PRDM11: variants seen among roughly 807,000 people sequenced by gnomAD.
PRDM11 encodes PR domain-containing protein 11.
In PRDM11, 20 loss-of-function variants were observed where a neutral mutation model predicts 97.8. The observed-to-expected ratio is 0.20, with a 90% confidence interval of 0.14 to 0.30. The LOEUF (loss-of-function observed/expected upper bound fraction) is 0.30. PRDM11 is among the 10% of genes least tolerant of loss of function. The pLI, the probability that PRDM11 is intolerant of heterozygous loss-of-function variation, is 1.00. For missense variants in PRDM11, 1,139 were observed against 1,555.2 expected (o/e 0.73, Z 4.50); for synonymous variants, 599 against 637.7 (o/e 0.94, Z 0.91).
At chr11:45,183,309 C>A (rs1159123696) in intron 4 of PRDM11, among the ~76,000 whole-genome samples, 186 bp downstream of exon 4, 1 of 152,156 alleles carries the variant, frequency 6.6e-6, no homozygotes. Context: ...TGTCCAAGGG[C>A]AATGCTGAGA....
intron 4 of PRDM11, among the ~76,000 whole-genome samples, chr11:45,196,409 C>T (rs145899460): frequency 2.4e-4 from 37 of 152,254 alleles, no homozygotes; most frequent in Middle Eastern, 3.4e-3. Context: ...GAAGACTCTT[C>T]CAATCTGCAG....
intron 1 of PRDM11, among the ~76,000 whole-genome samples, chr11:45,174,435 G>A (rs1262825974): frequency 6.6e-6 from 1 of 151,866 alleles, no homozygotes; most frequent in Non-Finnish European, 1.5e-5. Flanking sequence ...AATGCATGCA[G>A]TCTTTTTAGT....
chr11:45,103,464 C>G (rs1196913302), intron 1 of PRDM11, among the ~76,000 whole-genome samples: 1 of 152,128 alleles, frequency 6.6e-6, no homozygotes, highest in Non-Finnish European at 1.5e-5. Context: ...AATCTAGGCC[C>G]TACCGTTTTG....
At chr11:45,101,272 G>A (rs1277702658) in intron 1 of PRDM11, among the ~76,000 whole-genome samples, 1 of 152,112 alleles carries the variant, frequency 6.6e-6, no homozygotes, top group Admixed American at 6.5e-5. Context: ...TCAAAAGAAG[G>A]TATTTGGCCG....
At chr11:45,209,739 T>G (rs1406061523) in intron 5 of PRDM11, among the ~76,000 whole-genome samples, 1 of 152,202 alleles carries the variant, frequency 6.6e-6, no homozygotes, top group Non-Finnish European at 1.5e-5. Flanking sequence ...TGTCGCCATC[T>G]GGACATTCTT....
intron 5 of PRDM11, among the ~76,000 whole-genome samples, chr11:45,217,138 A>G (rs1853979279): frequency 6.6e-6 from 1 of 152,212 alleles, no homozygotes; most frequent in South Asian, 2.1e-4. Flanking sequence ...TTATTTTTGG[A>G]TGTCAAATCC....
At chr11:45,212,634 A>G (rs1046418201) in intron 5 of PRDM11, 1 of 456,170 alleles carries the variant, frequency 2.2e-6, no homozygotes, top group East Asian at 7.0e-5. Flanking sequence ...GCCCTGCCCC[A>G]TCCCTCGCCC....
chr11:45,123,285 T>C (rs1003531270), intron 1 of PRDM11, among the ~76,000 whole-genome samples: 1 of 152,194 alleles, frequency 6.6e-6, no homozygotes, highest in African/African-American at 2.4e-5. Context: ...TTCTCCCATT[T>C]TGTAGGTTGC....
At chr11:45,105,844 A>G (rs1029143369) in intron 1 of PRDM11, among the ~76,000 whole-genome samples, 4 of 152,198 alleles carry the variant, frequency 2.6e-5, no homozygotes, top group Non-Finnish European at 1.5e-5. Context: ...AGACCCCTAC[A>G]AAGTGCTTGG....
intron 1 of PRDM11, among the ~76,000 whole-genome samples, chr11:45,139,569 A>G (rs1268350087): frequency 1.2e-4 from 1 of 8,126 alleles, no homozygotes; most frequent in Non-Finnish European, 3.4e-4. Flanking sequence ...TCCAACTCAC[A>G]AAAAAAAAAA....
upstream of PRDM11, among the ~76,000 whole-genome samples, chr11:45,142,075 T>C (rs1851415905): frequency 6.6e-6 from 1 of 152,250 alleles, no homozygotes; most frequent in Non-Finnish European, 1.5e-5. Context: ...AGATGGTTTA[T>C]GAGCATGCCT....
chr11:45,184,223 T>C lies in PRDM11; in HGVS notation c.486+1100T>C, dbSNP rs79018812. Among the ~76,000 whole-genome samples the C allele has an allele frequency of 7.1e-3, 1,083 of 152,224 alleles. 12 individuals are homozygous for C. The highest frequency in any genetic ancestry group is 0.025 in the African/African-American group (1,033 of 41,530). On this transcript the variant is annotated intron_variant, in intron 4 of 7. Transcript: ENST00000683152. ...TGGATGAAGGTCAGTGTGCCTGGAG[T>C]GCAGCACACACAGGGGCCTGGAGAT...
intron 4 of PRDM11, among the ~76,000 whole-genome samples, chr11:45,189,914 A>G (rs1440870163): frequency 6.6e-6 from 1 of 152,092 alleles, no homozygotes; most frequent in African/African-American, 2.4e-5. Context: ...CGTTTGAGAC[A>G]GGGTAGTCGT....
intron 1 of PRDM11, among the ~76,000 whole-genome samples, chr11:45,110,828 T>C (rs1852161738): frequency 6.6e-6 from 1 of 152,164 alleles, no homozygotes; most frequent in East Asian, 1.9e-4. Context: ...AAGAGGCGCC[T>C]TTCTTTGCGT....
At chr11:45,137,917 C>A (rs751946939) in intron 1 of PRDM11, among the ~76,000 whole-genome samples, 2 of 152,244 alleles carry the variant, frequency 1.3e-5, no homozygotes, top group East Asian at 1.9e-4. Flanking sequence ...CCTCTCTCTG[C>A]GTGCACACAT....
chr11:45,117,951 T>A (rs144304133), intron 1 of PRDM11, among the ~76,000 whole-genome samples: 1 of 152,252 alleles, frequency 6.6e-6, no homozygotes, highest in Non-Finnish European at 1.5e-5. Flanking sequence ...TGACAATATA[T>A]ATACTTGATA....
At chr11:45,183,179 CCA>C in intron 4 of PRDM11, 56 bp downstream of exon 4, 1 of 1,558,326 alleles carries the variant, frequency 6.4e-7, no homozygotes, top group East Asian at 2.3e-5. Flanking sequence ...TGGAAGGAAA[CCA>C]CCAGGGGGAG....
intron 1 of PRDM11, among the ~76,000 whole-genome samples, chr11:45,140,363 G>T (rs1852977927): frequency 6.6e-6 from 1 of 152,150 alleles, no homozygotes; most frequent in African/African-American, 2.4e-5. Context: ...AATAACAGGG[G>T]TGGGACTAGA....
chr11:45,186,941 G>T (rs1328153551), intron 4 of PRDM11, among the ~76,000 whole-genome samples: 2 of 152,168 alleles, frequency 1.3e-5, no homozygotes, highest in Non-Finnish European at 2.9e-5. Flanking sequence ...ATGGGGTGGA[G>T]CAGTTAATAG....
Sources: gnomAD v4.1 joint callset for allele counts (sites outside exome capture counted in the v4.1 genomes callset) on GRCh38, gnomAD v4.1.1 for gene constraint, MANE v1.5 for transcripts, NCBI Gene and HGNC (gene_info 2026-07-23, HGNC 2026-07-21) for gene names.